Variants in PTPRD observed in about 807,000 individuals in gnomAD.
PTPRD encodes the protein receptor-type tyrosine-protein phosphatase delta.
In PTPRD, 34 loss-of-function variants were observed where a neutral mutation model predicts 214.5. That is an observed-to-expected ratio of 0.16 (90% CI 0.12 to 0.21). PTPRD has a LOEUF of 0.21. PTPRD is among the 10% of genes least tolerant of loss of function. PTPRD has a pLI of 1.00. For missense variants in PTPRD, 2,545 were observed against 2,398.7 expected (o/e 1.06, Z -1.27); for synonymous variants, 1,128 against 845.7 (o/e 1.33, Z -5.79).
At chr9:9,442,439 A>T (rs1458687028) in intron 8 of PTPRD, 1 of 152,174 alleles carries the variant, frequency 6.6e-6, no homozygotes, top group Non-Finnish European at 1.5e-5. Flanking sequence ...GGCCTCTGAG[A>T]TATTCTATTT....
chr9:8,335,616 C>CAACA (rs1845866689), intron 43 of PTPRD, among the ~76,000 whole-genome samples: 1 of 152,164 alleles, frequency 6.6e-6, no homozygotes, highest in South Asian at 2.1e-4. Flanking sequence ...CACTCCTATT[C>CAACA]AACACAGTAT....
chr9:8,814,212 C>T (rs1181834590), intron 11 of PTPRD, among the ~76,000 whole-genome samples: 1 of 152,056 alleles, frequency 6.6e-6, no homozygotes, highest in Non-Finnish European at 1.5e-5. Flanking sequence ...AGTTAATGCC[C>T]TCCCTATAGC....
chr9:8,891,732 G>A (rs895545201), intron 11 of PTPRD, among the ~76,000 whole-genome samples: 1 of 152,116 alleles, frequency 6.6e-6, no homozygotes, highest in African/African-American at 2.4e-5. Context: ...GGTGCCCTTT[G>A]TCATGAGTAA....
At chr9:8,506,062 C>A (rs1327082973) in intron 22 of PTPRD, among the ~76,000 whole-genome samples, 1 of 152,114 alleles carries the variant, frequency 6.6e-6, no homozygotes, top group Non-Finnish European at 1.5e-5. Flanking sequence ...CATTTAAAAC[C>A]TATTCTTTTG....
intron 7 of PTPRD, among the ~76,000 whole-genome samples, chr9:9,603,475 A>C (rs1214944709): frequency 6.6e-6 from 1 of 152,166 alleles, no homozygotes; most frequent in Non-Finnish European, 1.5e-5. Flanking sequence ...CTAAGGACAC[A>C]GACTTGAACC....
intron 2 of PTPRD, among the ~76,000 whole-genome samples, chr9:10,396,076 C>T (rs746360851): frequency 6.6e-6 from 1 of 151,946 alleles, no homozygotes; most frequent in East Asian, 2.0e-4. Flanking sequence ...TCCAATCCTT[C>T]GTGAGCCTGA....
intron 21 of PTPRD, among the ~76,000 whole-genome samples, chr9:8,515,033 G>C (rs2097760077): frequency 6.6e-6 from 1 of 152,110 alleles, no homozygotes; most frequent in Non-Finnish European, 1.5e-5. Context: ...ACTCTCCCTA[G>C]CCATGTGAAA....
intron 2 of PTPRD, among the ~76,000 whole-genome samples, chr9:10,477,108 C>A (rs533176138): frequency 6.6e-5 from 10 of 152,156 alleles, no homozygotes; most frequent in Non-Finnish European, 1.5e-4. Context: ...AAAGCAATGG[C>A]AACATAAGCC....
chr9:8,709,863 C>T (rs1216787303), intron 12 of PTPRD, among the ~76,000 whole-genome samples: 1 of 151,978 alleles, frequency 6.6e-6, no homozygotes, highest in African/African-American at 2.4e-5. Context: ...TCTTTAAGTG[C>T]AATAAAGATG....
At chr9:8,588,131 A>G (rs2093814016) in intron 14 of PTPRD, among the ~76,000 whole-genome samples, 1 of 152,202 alleles carries the variant, frequency 6.6e-6, no homozygotes, top group African/African-American at 2.4e-5. Flanking sequence ...TACCCATGAG[A>G]GCGAAAGCCA....
chr9:8,632,164 T>C (rs2096275050), intron 14 of PTPRD, among the ~76,000 whole-genome samples: 1 of 151,498 alleles, frequency 6.6e-6, no homozygotes, highest in South Asian at 2.1e-4. Context: ...TGTGTGTGTG[T>C]TTAGTTTCAA....
chr9:10,505,021 T>C (rs2045429197), intron 2 of PTPRD, among the ~76,000 whole-genome samples: 1 of 152,182 alleles, frequency 6.6e-6, no homozygotes, highest in African/African-American at 2.4e-5. Context: ...ATGCCAATCT[T>C]AATGCAAGAG....
chr9:8,548,297 G>C (rs1225340328), intron 14 of PTPRD, among the ~76,000 whole-genome samples: 1 of 152,100 alleles, frequency 6.6e-6, no homozygotes, highest in African/African-American at 2.4e-5. Context: ...AAAGATGGCT[G>C]GCCAGGTCCA....
intron 7 of PTPRD, among the ~76,000 whole-genome samples, chr9:9,706,660 G>C (rs897515096): frequency 6.6e-6 from 1 of 151,850 alleles, no homozygotes; most frequent in Non-Finnish European, 1.5e-5. Flanking sequence ...ACCTGGTCTC[G>C]AATTCTTGAC....
intron 11 of PTPRD, among the ~76,000 whole-genome samples, chr9:8,769,406 G>C (rs2095024539): frequency 6.6e-6 from 1 of 152,200 alleles, no homozygotes; most frequent in South Asian, 2.1e-4. Context: ...GTTTTAACCT[G>C]AGAGTGTTTT....
chr9:10,243,733 C>G (rs1356393090), intron 3 of PTPRD, among the ~76,000 whole-genome samples: 5 of 152,032 alleles, frequency 3.3e-5, no homozygotes, highest in Admixed American at 3.3e-4. Flanking sequence ...GCTCCAACCT[C>G]TAATTACTAT....
chr9:9,868,925 C>A (rs776950553), intron 5 of PTPRD, among the ~76,000 whole-genome samples: 27 of 151,944 alleles, frequency 1.8e-4, no homozygotes, highest in Non-Finnish European at 3.5e-4. Flanking sequence ...TATCCTTCAA[C>A]CATTGACAAG....
chr9:9,859,253 C>T (rs2062179364), intron 5 of PTPRD, among the ~76,000 whole-genome samples: 1 of 152,136 alleles, frequency 6.6e-6, no homozygotes, highest in African/African-American at 2.4e-5. Flanking sequence ...ACTTCTTTTG[C>T]TTATAAATTA....
rs576550301 is a variant in PTPRD at position 8,385,190 on chromosome 9, A to C, written c.4386+4042T>G. On this transcript the variant is annotated intron_variant, in intron 37 of 45. Transcript: ENST00000381196. ...CTGTTCTAACTCACCAAAGGTATTAATACAAGCGCTGTTGATAAACCTCAG... is the reference window on the plus strand; with the variant it reads ...CTGTTCTAACTCACCAAAGGTATTACTACAAGCGCTGTTGATAAACCTCAG... Among the ~76,000 whole-genome samples the C allele has an allele frequency of 2.1e-3, 319 of 152,332 alleles. 2 individuals are homozygous for C. The highest frequency in any genetic ancestry group is 7.4e-3 in the African/African-American group (309 of 41,588).
Sources: gnomAD v4.1 joint callset for allele counts (sites outside exome capture counted in the v4.1 genomes callset) on GRCh38, gnomAD v4.1.1 for gene constraint, MANE v1.5 for transcripts, NCBI Gene and HGNC (gene_info 2026-07-23, HGNC 2026-07-21) for gene names.